EDARADD: variants seen among roughly 807,000 people sequenced by gnomAD.
EDARADD encodes the protein EDAR associated via death domain.
In EDARADD, 20 loss-of-function variants were observed where a neutral mutation model predicts 25.6. The ratio of observed to expected loss-of-function variants is 0.78; its 90% CI spans 0.55 to 1.14. EDARADD has a LOEUF of 1.14. Ranked by LOEUF, EDARADD falls within the 50% of genes most tolerant of loss-of-function variation. The pLI is 0.00. For synonymous variants in EDARADD, 86 were observed against 94.4 expected (o/e 0.91, Z 0.52); for missense variants, 225 against 270.1 (o/e 0.83, Z 1.17).
rs1659782956 is a variant in EDARADD, at chr1:236,484,699, T to G, written c.*2050T>G. 2.5e-5 allele frequency: 6 copies of G among 235,730 alleles called. No homozygotes were observed. The highest frequency in any genetic ancestry group is 1.5e-4 in the East Asian group (2 of 12,928). 14.6% of individuals were successfully genotyped at this position (235,730 alleles called of 1,614,324 possible). The stretch of plus-strand genomic sequence containing the variant: ...CACCAGTCTGGAGACAGAGTGAGAG[T>G]CCGTCCCAGAAAAAAAAAAAAAAAA... On this transcript the variant is annotated 3_prime_UTR_variant, in exon 6 of 6. Coordinates refer to ENST00000334232, the MANE Select transcript of EDARADD (RefSeq NM_145861.4). The surrounding 1 kb of genome is among the most constrained non-coding windows in gnomAD (Gnocchi z 4.1).
At chr1:236,377,554 G>C (rs747269858) in intron 3 of EDARADD, among the ~76,000 whole-genome samples, 1 of 150,738 alleles carries the variant, frequency 6.6e-6, no homozygotes, top group Non-Finnish European at 1.5e-5. Flanking sequence ...ATGCTTGCCC[G>C]GTCTCTTCAA....
intron 4 of EDARADD, among the ~76,000 whole-genome samples, chr1:236,461,999 A>T (rs1461274167): frequency 6.6e-6 from 1 of 152,190 alleles, no homozygotes; most frequent in Non-Finnish European, 1.5e-5. Context: ...CAATTCATGA[A>T]CCAGGCACCA....
intron 4 of EDARADD, among the ~76,000 whole-genome samples, chr1:236,447,265 T>TTTCA (rs1658589379): frequency 6.8e-6 from 1 of 147,042 alleles, no homozygotes; most frequent in African/African-American, 2.5e-5. Context: ...TCTTTCTTTC[T>TTTCA]TTCTTTCTTC....
At chr1:236,451,535 G>A (rs1384124249) in intron 4 of EDARADD, among the ~76,000 whole-genome samples, 1 of 152,000 alleles carries the variant, frequency 6.6e-6, no homozygotes. Context: ...GAATTCTCCT[G>A]CTCCAGTCTC....
intron 3 of EDARADD, among the ~76,000 whole-genome samples, chr1:236,381,656 G>A (rs774961987): frequency 1.3e-5 from 2 of 151,728 alleles, no homozygotes; most frequent in Non-Finnish European, 2.9e-5. Context: ...GGTCATACCT[G>A]TAATCCCAGA....
chr1:236,433,647 C>T (rs1323160715), intron 4 of EDARADD, among the ~76,000 whole-genome samples: 2 of 151,802 alleles, frequency 1.3e-5, no homozygotes, highest in Non-Finnish European at 2.9e-5. Context: ...TTATGCAGGA[C>T]GTACCATTAT....
intron 3 of EDARADD, among the ~76,000 whole-genome samples, chr1:236,420,981 G>A (rs1261836150): frequency 6.8e-6 from 1 of 146,874 alleles, no homozygotes; most frequent in Non-Finnish European, 1.5e-5. Context: ...TGATCCACCT[G>A]TCTCGGCCTC....
intron 4 of EDARADD, among the ~76,000 whole-genome samples, chr1:236,448,479 C>T (rs1306325168): frequency 6.6e-6 from 1 of 152,212 alleles, no homozygotes; most frequent in Non-Finnish European, 1.5e-5. Flanking sequence ...ACAGCCCCAG[C>T]TGCTGGGGAA....
chr1:236,395,776 G>GAGGCCCGGGAACCACCCCCGACCC lies in EDARADD; in HGVS notation c.61+1276_61+1299dup. ...GGCCGGGCCTCGGCGACCCCCGAGG[G>GAGGCCCGGGAACCACCCCCGACCC]AGGCCCGGGAACCACCCCCGACCCA... On this transcript the variant is annotated intron_variant, in intron 1 of 5. Coordinates refer to ENST00000334232, the MANE Select transcript of EDARADD (RefSeq NM_145861.4). This position sits in a 1 kb window ranked among gnomAD's most constrained non-coding sequence, Gnocchi z 6.9. 8.6e-7 allele frequency: 1 copy of GAGGCCCGGGAACCACCCCCGACCC among 1,162,004 alleles called. No homozygotes were observed. The allele number at this position is 1,162,004 out of a possible 1,614,324, so 72.0% of individuals were successfully genotyped here. A position where few individuals can be genotyped will look rare whatever the true frequency, so the allele number is the denominator to read the frequency against.
chr1:236,422,569 G>A (rs1392519048), intron 3 of EDARADD, among the ~76,000 whole-genome samples: 2 of 152,192 alleles, frequency 1.3e-5, no homozygotes, highest in South Asian at 2.1e-4. Context: ...CCTTTATCAG[G>A]GATATCCTGG....
intron 2 of EDARADD, among the ~76,000 whole-genome samples, chr1:236,411,210 C>G (rs1657469415): frequency 6.6e-6 from 1 of 152,148 alleles, no homozygotes; most frequent in South Asian, 2.1e-4. Context: ...AAGTGTCCCT[C>G]TTACTAGTTT....
At chr1:236,422,396 G>T (rs2103014203) in intron 3 of EDARADD, among the ~76,000 whole-genome samples, 2 of 152,290 alleles carry the variant, frequency 1.3e-5, no homozygotes, top group East Asian at 3.9e-4. Flanking sequence ...GGGTGTATTT[G>T]AGGCAAGAGA....
intron 3 of EDARADD, among the ~76,000 whole-genome samples, chr1:236,367,251 ACG>A (rs1667121712): frequency 2.0e-5 from 2 of 101,168 alleles, no homozygotes; most frequent in African/African-American, 8.3e-5. Context: ...TTTATTTTAG[ACG>A]GAGTCTCGCT....
At chr1:236,357,295 T>C (rs978484037) in intron 3 of EDARADD, among the ~76,000 whole-genome samples, 1 of 152,136 alleles carries the variant, frequency 6.6e-6, no homozygotes, top group Non-Finnish European at 1.5e-5. Context: ...GCAGGCTTTT[T>C]CACAAAATAC....
At position 236,395,035 on chromosome 1, in the gene EDARADD, C is replaced by G. The variant is rs759467853; in HGVS notation, c.61+530C>G. Reference sequence around the variant, plus strand: ...ACCAGCGTGTGCCATCATGCAGCGGCAGAGCCTGCTTAAAGATCAGGAAAT... The same window carrying G: ...ACCAGCGTGTGCCATCATGCAGCGGGAGAGCCTGCTTAAAGATCAGGAAAT... On this transcript the variant is annotated intron_variant, in intron 1 of 5. Coordinates refer to ENST00000334232, the MANE Select transcript of EDARADD (RefSeq NM_145861.4). The surrounding 1 kb of genome is among the most constrained non-coding windows in gnomAD (Gnocchi z 6.9). Among the ~76,000 whole-genome samples the G allele has an allele frequency of 1.4e-4, 21 of 152,236 alleles. No individual in the cohort carries two copies. The highest frequency in any genetic ancestry group is 2.8e-4 in the Non-Finnish European group (19 of 68,028).
chr1:236,465,211 C>T (rs189773627), intron 4 of EDARADD, among the ~76,000 whole-genome samples: 38 of 152,242 alleles, frequency 2.5e-4, no homozygotes, highest in Admixed American at 2.0e-3. Flanking sequence ...TTCCCCCATG[C>T]GTCCTACACT....
At chr1:236,367,591 G>T (rs975085095) in intron 3 of EDARADD, among the ~76,000 whole-genome samples, 2 of 152,010 alleles carry the variant, frequency 1.3e-5, no homozygotes, top group South Asian at 4.2e-4. Context: ...TCTCAAACTC[G>T]TGGGCTCAAG....
intron 3 of EDARADD, among the ~76,000 whole-genome samples, chr1:236,378,204 G>A (rs1209791167): frequency 6.6e-6 from 1 of 152,034 alleles, no homozygotes; most frequent in Non-Finnish European, 1.5e-5. Context: ...TTTCTTCTAA[G>A]ATCAGGCCTT....
At chr1:236,435,611 T>C (rs930789002) in intron 4 of EDARADD, among the ~76,000 whole-genome samples, 1 of 152,208 alleles carries the variant, frequency 6.6e-6, no homozygotes, top group African/African-American at 2.4e-5. Flanking sequence ...GAAGTGAGTA[T>C]GAGAATGTTT....
Sources: gnomAD v4.1 joint callset for allele counts (sites outside exome capture counted in the v4.1 genomes callset) on GRCh38, gnomAD v4.1.1 for gene constraint, Gnocchi (gnomAD v3.1) non-coding constraint, MANE v1.5 for transcripts, NCBI Gene and HGNC (gene_info 2026-07-23, HGNC 2026-07-21) for gene names.